LIPG: variants seen among roughly 807,000 people sequenced by gnomAD.
LIPG encodes the protein lipase G, endothelial type.
In LIPG, 34 loss-of-function variants were observed where a neutral mutation model predicts 51.8. The ratio of observed to expected loss-of-function variants is 0.66; its 90% confidence interval spans 0.50 to 0.87. LIPG has a LOEUF of 0.87. Ranked by LOEUF, LIPG falls within the 40% of genes least tolerant of loss-of-function variation. The pLI is 0.00. For synonymous variants in LIPG, 246 were observed against 246.1 expected (o/e 1.00, Z 0.00); for missense variants, 580 against 652.7 (o/e 0.89, Z 1.21).
rs1284503761 is a variant in LIPG at position 49,595,442 on chromosome 18, T to C, written c.*4920T>C. On this transcript the variant is annotated 3_prime_UTR_variant, in exon 10 of 10. Transcript: ENST00000261292. Reference sequence around the variant, plus strand: ...ATTTAAGAAACAGAGACAATACTGCTCAGGGTTGTTGTGAATGTTAAAGGT... The same window carrying C: ...ATTTAAGAAACAGAGACAATACTGCCCAGGGTTGTTGTGAATGTTAAAGGT... 2 of 152,142 alleles carry C rather than the reference T, an allele frequency of 1.3e-5. No homozygotes were observed. The highest frequency in any genetic ancestry group is 4.8e-5 in the African/African-American group (2 of 41,430). The allele number at this position is 152,142 out of a possible 1,614,324, so 9.4% of individuals were successfully genotyped here.
In LIPG at chr18:49,581,526, G is replaced by A. The variant is rs774391354; in HGVS notation, c.905G>A (p.Arg302His). The change falls in exon 6 of 10, where the codon CGC (arginine) becomes CAC (histidine). Residue 302 changes from arginine to histidine, a missense_variant. By Grantham distance (29) the Arg-to-His change is conservative (BLOSUM62 0). Coordinates refer to ENST00000261292, the MANE Select transcript of LIPG (RefSeq NM_006033.4). ...GCCTTCCAGTGCACTGACTCCAATC[G>A]CTTCAAAAAGGGGATCTGTCTGAGC... The part of the protein sequence containing the change: ...SFAFQCTDSN[R>H]FKKGICLSCR... The A allele has an allele frequency of 3.1e-6, 5 of 1,614,124 alleles. No homozygotes were observed. The highest frequency in any genetic ancestry group is 1.1e-5 in the South Asian group (1 of 91,078).
intron 1 of LIPG, 72 bp from the exon 2 acceptor site, chr18:49,565,245 C>A: frequency 6.7e-7 from 1 of 1,496,286 alleles, no homozygotes; most frequent in Non-Finnish European, 9.3e-7. Flanking sequence ...CACGATTGAA[C>A]TAGAATCAGA....
At chr18:49,568,924 C>T (rs965350100) in intron 3 of LIPG, among the ~76,000 whole-genome samples, 4 of 151,936 alleles carry the variant, frequency 2.6e-5, no homozygotes, top group Admixed American at 6.6e-5. Context: ...ACCTCCTTAC[C>T]CCCCAGATGA....
chr18:49,581,441 C>T lies in LIPG; in HGVS notation c.820C>T (p.His274Tyr), dbSNP rs772247149. Residue 274 changes from histidine (H) to tyrosine (Y), a missense_variant, in exon 6 of 10, where the codon CAT becomes TAT. Transcript: ENST00000261292. ...AATCACAGAGGTGGTAAAATGTGAG[C>T]ATGAGCGAGCCGTCCACCTCTTTGT... ...GTITEVVKCEHERAVHLFVDS... is the reference protein window; with the variant it reads ...GTITEVVKCEYERAVHLFVDS... 1 of 1,614,190 alleles carries T rather than the reference C, an allele frequency of 6.2e-7. No homozygotes were observed. Among genetic ancestry groups the T allele is most frequent in the Non-Finnish European group, 8.5e-7 (1 of 1,180,036 alleles).
intron 3 of LIPG, 67 bp from the exon 4 acceptor site, chr18:49,569,370 A>G (rs537432318): frequency 7.6e-7 from 1 of 1,318,344 alleles, no homozygotes; most frequent in East Asian, 2.3e-5. Context: ...GAGTTGTTGA[A>G]CTGCTGGTGA....
chr18:49,575,374 G>C lies in LIPG; in HGVS notation c.577G>C (p.Asp193His). The C allele has an allele frequency of 6.2e-7, 1 of 1,612,416 alleles. No individual in the cohort carries two copies. The highest frequency in any genetic ancestry group is 8.5e-7 in the Non-Finnish European group (1 of 1,179,992). The part of the protein sequence containing the change: ...KGTVGRITGL[D>H]PAGPMFEGAD... ...GGGGCCTCCTTCTGCTGCAGGTTTG[G>C]ATCCTGCCGGGCCCATGTTTGAAGG... Residue 193 changes from aspartate (D) to histidine (H), a missense_variant, in exon 5 of 10, where the codon GAT (aspartate) becomes CAT (histidine). Physicochemically the swap from Asp to His is moderately conservative, Grantham distance 81. Coordinates refer to ENST00000261292, the MANE Select transcript of LIPG (RefSeq NM_006033.4).
In LIPG at chr18:49,590,392, G is replaced by A. The variant is rs547541600; in HGVS notation, c.1482-109G>A. ...AATACATGTAAAATAGTCCCATAGG[G>A]GTGTCAGAAAGCTTGGCCTTAAGGT... On this transcript the variant is annotated intron_variant, in intron 9 of 9. Transcript: ENST00000261292. The A allele has an allele frequency of 1.5e-4, 169 of 1,101,794 alleles. No individual in the cohort carries two copies. The East Asian group carries it at 3.3e-3, about 22-fold the overall frequency. The allele number at this position is 1,101,794 out of a possible 1,614,324, so 68.3% of individuals were successfully genotyped here. A position where few individuals can be genotyped will look rare whatever the true frequency, so the allele number is the denominator to read the frequency against.
intron 9 of LIPG, among the ~76,000 whole-genome samples, chr18:49,588,282 C>CTTT (rs1231084858): frequency 3.4e-4 from 45 of 132,774 alleles, no homozygotes; most frequent in African/African-American, 1.2e-3. Context: ...CTCCCACACA[C>CTTT]TTTTTTTTTT....
Position 49,591,823 on chromosome 18 carries a change from G to A in LIPG, c.*1301G>A, listed in dbSNP as rs1376403312. The A allele has an allele frequency of 6.6e-6, 1 of 152,192 alleles. No individual in the cohort carries two copies. The highest frequency in any genetic ancestry group is 2.4e-5 in the African/African-American group (1 of 41,450). 9.4% of individuals were successfully genotyped at this position (152,192 alleles called of 1,614,324 possible). ...CTATTTTACAAAACTGAGGCTTAGT[G>A]AGGTTCAGCCACATGCCTAGACTTA... On this transcript the variant is annotated 3_prime_UTR_variant, in exon 10 of 10. Coordinates refer to ENST00000261292, the MANE Select transcript of LIPG (RefSeq NM_006033.4).
rs778959163 is a variant in LIPG at position 49,569,520 on chromosome 18, C to A, written c.543C>A (p.Phe181Leu). Residue 181 changes from phenylalanine (F) to leucine (L), a missense_variant, in exon 4 of 10, where the codon TTC becomes TTA. Transcript: ENST00000261292. Reference protein sequence around the residue: ...GAHVAGYAGNFVKGTVGRITG... With the variant: ...GAHVAGYAGNLVKGTVGRITG... The stretch of plus-strand genomic sequence containing the variant: ...ACGTGGCCGGGTATGCAGGCAACTT[C>A]GTGAAAGGAACGGTGGGCCGAATCA... 3 of 1,614,132 alleles carry A rather than the reference C, an allele frequency of 1.9e-6. No individual in the cohort carries two copies. Among genetic ancestry groups the A allele is most frequent in the Non-Finnish European group, 2.5e-6 (3 of 1,180,000 alleles).
chr18:49,575,670 C>T, intron 5 of LIPG, 80 bp downstream of exon 5: 3 of 1,110,964 alleles, frequency 2.7e-6, no homozygotes, highest in South Asian at 2.6e-5. Context: ...TTTAGCACTG[C>T]AGGCACTATT....
rs2084555307 is a variant in LIPG, at chr18:49,562,071, G to T, written c.-238G>T. ...AGGAGCGTGACAGCAGCGAGTCCTT[G>T]CCTCCCGGCGGCTCAGGACGAGGGC... On this transcript the variant is annotated 5_prime_UTR_variant, in exon 1 of 10. Transcript: ENST00000261292. 1.4e-6 allele frequency: 2 copies of T among 1,440,392 alleles called. No individual in the cohort carries two copies. Among genetic ancestry groups the T allele is most frequent in the South Asian group, 3.0e-5 (2 of 66,272 alleles). The allele number at this position is 1,440,392 out of a possible 1,614,324, so 89.2% of individuals were successfully genotyped here.
chr18:49,588,158 G>A (rs1223433413), intron 9 of LIPG, among the ~76,000 whole-genome samples: 2 of 152,112 alleles, frequency 1.3e-5, no homozygotes, highest in Non-Finnish European at 1.5e-5. Flanking sequence ...AGGGCTCCTA[G>A]CTTCCTTCTG....
intron 5 of LIPG, among the ~76,000 whole-genome samples, chr18:49,578,514 G>A (rs1333433206): frequency 7.5e-5 from 11 of 145,866 alleles, no homozygotes; most frequent in Admixed American, 2.7e-4. Context: ...TGGCGGCCGG[G>A]CGGAGACGCT....
In LIPG at chr18:49,592,510, G is replaced by A. The variant is rs1384854127; in HGVS notation, c.*1988G>A. ...CGATATTTTAAATAGTTGTGTACAT[G>A]AAGCATGGTTTGTGGTAACTTATGT... On this transcript the variant is annotated 3_prime_UTR_variant, in exon 10 of 10. Transcript: ENST00000261292. The A allele has an allele frequency of 2.0e-5, 3 of 152,436 alleles. No individual in the cohort carries two copies. The highest frequency in any genetic ancestry group is 2.9e-5 in the Non-Finnish European group (2 of 68,190). The allele number at this position is 152,436 out of a possible 1,614,324, so 9.4% of individuals were successfully genotyped here. A position where few individuals can be genotyped will look rare whatever the true frequency, so the allele number is the denominator to read the frequency against.
At chr18:49,580,523 G>A (rs2084808071) in intron 5 of LIPG, among the ~76,000 whole-genome samples, 1 of 152,202 alleles carries the variant, frequency 6.6e-6, no homozygotes, top group African/African-American at 2.4e-5. Flanking sequence ...TGCACCTGTA[G>A]TCCCACCTAT....
chr18:49,586,594 C>T, intron 8 of LIPG, 152 bp from the exon 9 acceptor site: 1 of 681,962 alleles, frequency 1.5e-6, no homozygotes. Context: ...AGAGTCCCTG[C>T]AGTAGTGATG....
At chr18:49,576,751 G>T (rs2084723451) in intron 5 of LIPG, among the ~76,000 whole-genome samples, 1 of 152,030 alleles carries the variant, frequency 6.6e-6, no homozygotes. Flanking sequence ...GATTACAGGT[G>T]TGAGCCACTG....
At chr18:49,579,250 C>A (rs1056292215) in intron 5 of LIPG, among the ~76,000 whole-genome samples, 2 of 135,204 alleles carry the variant, frequency 1.5e-5, no homozygotes, top group African/African-American at 2.7e-5. Context: ...TCACCGGATA[C>A]ACTCTATTTT....
Sources: allele counts gnomAD v4.1 joint callset (sites outside exome capture counted in the v4.1 genomes callset), GRCh38; gene constraint gnomAD v4.1.1; transcripts MANE v1.5; gene names NCBI Gene and HGNC (gene_info 2026-07-23, HGNC 2026-07-21).